The following HOOK3 variants were observed in gnomAD, a reference collection of about 807,000 sequenced individuals.
HOOK3 encodes the protein hook microtubule tethering protein 3, also known as protein Hook homolog 3.
HOOK3 carries 24 observed loss-of-function variants against 116.3 expected under a neutral mutation model. The ratio of observed to expected loss-of-function variants is 0.21; its 90% CI spans 0.15 to 0.29. The LOEUF (loss-of-function observed/expected upper bound fraction) is 0.29, where lower values mean the gene tolerates loss of function less well. HOOK3 is among the 10% of genes least tolerant of loss of function. The pLI, the probability that HOOK3 is intolerant of heterozygous loss-of-function variation, is 1.00. For missense variants in HOOK3, 632 were observed against 830.2 expected (o/e 0.76, Z 2.93); for synonymous variants, 275 against 283.0 (o/e 0.97, Z 0.28).
chr8:42,991,200 G>A (rs1251727821), intron 15 of HOOK3, among the ~76,000 whole-genome samples: 1 of 152,122 alleles, frequency 6.6e-6, no homozygotes, highest in Non-Finnish European at 1.5e-5. Flanking sequence ...TAGCTCTGTA[G>A]TATAATTTGA....
intron 5 of HOOK3, among the ~76,000 whole-genome samples, chr8:42,949,971 T>C (rs1202528644): frequency 1.3e-5 from 2 of 151,788 alleles, no homozygotes; most frequent in Non-Finnish European, 2.9e-5. Flanking sequence ...TGATGTCACA[T>C]AAAAATAAAG....
chr8:42,941,078 C>CT (rs1304484629), intron 4 of HOOK3, among the ~76,000 whole-genome samples: 4 of 151,948 alleles, frequency 2.6e-5, no homozygotes, highest in Non-Finnish European at 5.9e-5. Flanking sequence ...TCCCAAGTAG[C>CT]TAGGACCACA....
intron 17 of HOOK3, among the ~76,000 whole-genome samples, chr8:43,005,485 G>A (rs1252293791): frequency 6.6e-6 from 1 of 151,640 alleles, no homozygotes; most frequent in African/African-American, 2.4e-5. Context: ...GCCTTCCAAA[G>A]TGCTGGGATT....
rs1808589311 is a variant in HOOK3 at position 42,964,210 on chromosome 8, A to C, written c.616-101A>C. ...CGACAGTGAGACTCCGCCTCAAAAA[A>C]TCTATATATAGGCTTTAATTTGTAA... On this transcript the variant is annotated intron_variant, in intron 8 of 21. Coordinates refer to ENST00000307602, the MANE Select transcript of HOOK3 (RefSeq NM_032410.4). 115 of 1,209,632 alleles carry C rather than the reference A, an allele frequency of 9.5e-5. No homozygotes were observed. The South Asian group carries it at 1.5e-3, about 16-fold the overall frequency. The allele number at this position is 1,209,632 out of a possible 1,614,324, so 74.9% of individuals were successfully genotyped here.
chr8:42,976,005 A>AAGATGT (rs1443299561), intron 13 of HOOK3, among the ~76,000 whole-genome samples: 4 of 151,852 alleles, frequency 2.6e-5, no homozygotes, highest in African/African-American at 4.8e-5. Context: ...GCGCCCAGCC[A>AAGATGT]AGATGTAGAT....
rs1483703766 is a variant in HOOK3, at chr8:42,966,596, T to C, written c.903T>C (p.Asp301=). 1.9e-6 allele frequency: 3 copies of C among 1,614,118 alleles called. No individual in the cohort carries two copies. Among genetic ancestry groups the C allele is most frequent in the Middle Eastern group, 1.6e-4 (1 of 6,062 alleles). ...CAGATGAAGCTCAGTCTCTGAAAGA[T>C]GAGATCGACGTGCTGAGGTAAAAAC... is the stretch of plus-strand genomic sequence containing the variant. ...TLADEAQSLK[D]EIDVLRHSSD... is the part of the protein sequence containing the mutation. The change falls in exon 10 of 22, where the codon GAT becomes GAC. Residue 301 remains aspartate (D), a synonymous_variant. Coordinates refer to ENST00000307602, the MANE Select transcript of HOOK3 (RefSeq NM_032410.4).
In HOOK3 at chr8:42,957,093, G is replaced by A; in HGVS notation, c.469-1G>A. The A allele has an allele frequency of 6.4e-7, 1 of 1,573,714 alleles. No homozygotes were observed. The highest frequency in any genetic ancestry group is 8.7e-7 in the Non-Finnish European group (1 of 1,151,414). ...TATAATCATTTAAATCTTGATTTCA[G>A]CTGATGAGTAAAGAATCTCCTGTCT... On this transcript the variant is annotated splice_acceptor_variant, in intron 6 of 21. Coordinates refer to ENST00000307602, the MANE Select transcript of HOOK3 (RefSeq NM_032410.4). LOFTEE classifies it high-confidence loss of function.
chr8:42,900,671 A>C (rs970748947), intron 1 of HOOK3, among the ~76,000 whole-genome samples: 2 of 152,260 alleles, frequency 1.3e-5, no homozygotes, highest in Non-Finnish European at 2.9e-5. Context: ...ATAGTATAGC[A>C]TAAGAGTACA....
intron 5 of HOOK3, among the ~76,000 whole-genome samples, chr8:42,948,408 C>T: frequency 6.6e-6 from 1 of 152,114 alleles, no homozygotes; most frequent in East Asian, 1.9e-4. Context: ...AAAAACTGTA[C>T]AGTAATTTAG....
intron 13 of HOOK3, among the ~76,000 whole-genome samples, chr8:42,979,272 TA>T (rs1378636630): frequency 6.6e-6 from 1 of 152,300 alleles, no homozygotes; most frequent in Admixed American, 6.5e-5. Context: ...ACCCTGTCTC[TA>T]AAAGGAAATG....
chr8:42,971,549 G>A (rs1052387329), intron 11 of HOOK3, among the ~76,000 whole-genome samples: 3 of 152,206 alleles, frequency 2.0e-5, no homozygotes, highest in East Asian at 1.9e-4. Flanking sequence ...GATTACAGGC[G>A]TGAGCCACTG....
At chr8:42,971,537 G>A (rs1158342784) in intron 11 of HOOK3, among the ~76,000 whole-genome samples, 1 of 152,168 alleles carries the variant, frequency 6.6e-6, no homozygotes, top group Non-Finnish European at 1.5e-5. Flanking sequence ...CCAAAGTGCT[G>A]GGATTACAGG....
At chr8:42,975,294 G>A (rs950034606) in intron 13 of HOOK3, among the ~76,000 whole-genome samples, 4 of 152,156 alleles carry the variant, frequency 2.6e-5, no homozygotes, top group East Asian at 1.9e-4. Flanking sequence ...TGACATTTCC[G>A]TACTTCATTT....
chr8:43,005,597 G>C (rs896619604), intron 17 of HOOK3, among the ~76,000 whole-genome samples: 1 of 152,026 alleles, frequency 6.6e-6, no homozygotes, highest in Non-Finnish European at 1.5e-5. Flanking sequence ...TTCAAATTCT[G>C]ACTTTGGTTA....
rs753957870 is a variant in HOOK3, at chr8:43,013,366, A to C, written c.1982A>C (p.Glu661Ala). 1 of 1,585,608 alleles carries C rather than the reference A, an allele frequency of 6.3e-7. No homozygotes were observed. The change falls in exon 21 of 22, where the codon GAA (glutamate) becomes GCA (alanine). Residue 661 changes from glutamate to alanine, a missense_variant. Transcript: ENST00000307602. ...AAAACAAAGAGTCAGAGAGAGATGG[A>C]AGAGAAATATATTGTTAGTGCCTGG... is the stretch of plus-strand genomic sequence containing the variant. ...YEKTKSQREM[E>A]EKYIVSAWYN...
chr8:42,935,788 C>T lies in HOOK3; in HGVS notation c.267+5616C>T, dbSNP rs907468622. On this transcript the variant is annotated intron_variant, in intron 4 of 21. Transcript: ENST00000307602. ...TACCAGTACCATGCTGTTTTGGTTA[C>T]TGTAGCCTTGTAGTATAGTTTGAAG... 5.3e-5 allele frequency among the ~76,000 whole-genome samples: 8 copies of T among 152,216 alleles called. 1 individual carries two copies. The South Asian group carries it at 1.0e-3, about 20-fold the overall frequency.
chr8:42,899,779 G>T (rs1563286076), intron 1 of HOOK3, among the ~76,000 whole-genome samples: 2 of 152,214 alleles, frequency 1.3e-5, no homozygotes. Context: ...AACTGTCAGT[G>T]ACAGACAAGA....
At chr8:42,973,964 C>G (rs1407925616) in intron 12 of HOOK3, 143 bp from the exon 13 acceptor site, 5 of 675,544 alleles carry the variant, frequency 7.4e-6, no homozygotes, top group Non-Finnish European at 2.7e-6. Context: ...TTTCCTCCTT[C>G]TATGATCTTT....
rs771939177 is a variant in HOOK3, at chr8:43,010,348, G to A, written c.1782G>A (p.Glu594=). Residue 594 remains glutamate (E), a synonymous_variant, in exon 19 of 22, where the codon GAG becomes GAA. Coordinates refer to ENST00000307602, the MANE Select transcript of HOOK3 (RefSeq NM_032410.4). The part of the protein sequence containing the change: ...EELQEALRKK[E]EEMKQMEERY... Reference sequence around the variant, plus strand: ...TACAAGAAGCTTTACGAAAGAAAGAGGAAGAAATGAAGCAAATGGAAGAAC... The same window carrying A: ...TACAAGAAGCTTTACGAAAGAAAGAAGAAGAAATGAAGCAAATGGAAGAAC... 1.3e-6 allele frequency: 2 copies of A among 1,493,342 alleles called. No individual in the cohort carries two copies. The highest frequency in any genetic ancestry group is 4.6e-5 in the Admixed American group (2 of 43,672). 92.5% of individuals were successfully genotyped at this position (1,493,342 alleles called of 1,614,324 possible).
Sources: gnomAD v4.1 joint callset for allele counts (sites outside exome capture counted in the v4.1 genomes callset) on GRCh38, gnomAD v4.1.1 for gene constraint, MANE v1.5 for transcripts, NCBI Gene and HGNC (gene_info 2026-07-23, HGNC 2026-07-21) for gene names.